MROH7: variants seen among roughly 807,000 people sequenced by gnomAD.
The protein encoded by MROH7 is maestro heat-like repeat-containing protein family member 7.
In MROH7, 113 loss-of-function variants were observed where a neutral mutation model predicts 129.2. That is an observed-to-expected ratio of 0.87 (90% CI 0.75 to 1.02). MROH7 has a LOEUF of 1.02. Ranked by LOEUF, MROH7 falls within the 50% of genes least tolerant of loss-of-function variation. The pLI, the probability that MROH7 is intolerant of heterozygous loss-of-function variation, is 0.00. For missense variants in MROH7, 1,601 were observed against 1,671.3 expected, an observed-to-expected ratio of 0.96 and a Z score of 0.73; for synonymous variants, 655 against 667.9, an observed-to-expected ratio of 0.98 and a Z score of 0.30.
intron 3 of MROH7, among the ~76,000 whole-genome samples, chr1:54,656,679 T>C (rs1356476996): frequency 2.0e-5 from 3 of 151,836 alleles, no homozygotes; most frequent in Non-Finnish European, 4.4e-5. Context: ...AAAAATTAGC[T>C]GATGTGGTGG....
At chr1:54,694,992 G>A (rs567806767) in intron 16 of MROH7, among the ~76,000 whole-genome samples, 6 of 152,286 alleles carry the variant, frequency 3.9e-5, no homozygotes, top group South Asian at 4.1e-4. Context: ...AACCTGCTTC[G>A]AAGGATCAGA....
intron 1 of MROH7, among the ~76,000 whole-genome samples, chr1:54,648,706 GA>G (rs1250939904): frequency 3.3e-5 from 5 of 151,740 alleles, no homozygotes; most frequent in Non-Finnish European, 7.4e-5. Flanking sequence ...GCTTACTTTG[GA>G]AAATGGTTTG....
intron 9 of MROH7, 72 bp from the exon 10 acceptor site, chr1:54,673,944 C>G (rs1009770677): frequency 6.4e-7 from 1 of 1,570,094 alleles, no homozygotes; most frequent in Non-Finnish European, 8.7e-7. Flanking sequence ...GACTATCCAC[C>G]GGTGTTCACC....
chr1:54,645,735 C>G (rs1283893677), intron 1 of MROH7, among the ~76,000 whole-genome samples: 1 of 149,060 alleles, frequency 6.7e-6, no homozygotes, highest in Non-Finnish European at 1.5e-5. Flanking sequence ...TCACCGCAGG[C>G]TTGCCTCCCG....
rs111884060 is a variant in MROH7 at position 54,677,093 on chromosome 1, G to A, written c.1937-1649G>A. On this transcript the variant is annotated intron_variant, in intron 10 of 23. Coordinates refer to ENST00000421030, the MANE Select transcript of MROH7 (RefSeq NM_001039464.4). ...TGGGCGCAAGTGAACCATCTGCCTC[G>A]GCCTCCAAAGTGCTGGGATTACAGG... is the stretch of plus-strand genomic sequence containing the variant. 6.1e-4 allele frequency among the ~76,000 whole-genome samples: 93 copies of A among 152,076 alleles called. 1 individual carries two copies. Among genetic ancestry groups the A allele is most frequent in the African/African-American group, 1.9e-3 (81 of 41,546 alleles).
chr1:54,674,063 C>T lies in MROH7; in HGVS notation c.1848C>T (p.Ile616=). The T allele has an allele frequency of 1.2e-6, 2 of 1,614,080 alleles. No homozygotes were observed. Among genetic ancestry groups the T allele is most frequent in the Non-Finnish European group, 1.7e-6 (2 of 1,179,954 alleles). Residue 616 remains isoleucine, a synonymous_variant, in exon 10 of 24, where the codon ATC becomes ATT. Transcript: ENST00000421030. The part of the protein sequence containing the change: ...PALGLLLGRL[I]LHIGDPDEEI... ...TGGGGCTTCTGCTGGGGAGACTCAT[C>T]CTTCACATTGGGGATCCTGATGAGG...
intron 18 of MROH7, 103 bp from the exon 19 acceptor site, chr1:54,701,039 TG>T: frequency 7.9e-7 from 1 of 1,265,628 alleles, no homozygotes; most frequent in Non-Finnish European, 1.1e-6. Context: ...GGCCTGGAAG[TG>T]GGGATTGGGC....
rs763043787 is a variant in MROH7, at chr1:54,652,913, C to A, written c.-14C>A. On this transcript the variant is annotated 5_prime_UTR_variant, in exon 3 of 24. Transcript: ENST00000421030. ...AGAAGCGGGCACTGGCATTGAGAGA[C>A]CTCCAGACTGGACATGGCCCTGAGT... 10 of 1,556,174 alleles carry A rather than the reference C, an allele frequency of 6.4e-6. No individual in the cohort carries two copies. The highest frequency in any genetic ancestry group is 8.7e-6 in the Non-Finnish European group (10 of 1,154,252).
chr1:54,677,680 C>T (rs193086330), intron 10 of MROH7, among the ~76,000 whole-genome samples: 26 of 152,292 alleles, frequency 1.7e-4, no homozygotes, highest in East Asian at 3.9e-4. Flanking sequence ...CTTGTGCCCA[C>T]GTCCTGTATT....
chr1:54,662,220 C>CAAACA (rs761420844), intron 3 of MROH7, among the ~76,000 whole-genome samples: 3 of 150,058 alleles, frequency 2.0e-5, no homozygotes, highest in Admixed American at 6.6e-5. Flanking sequence ...ACCCTATCTG[C>CAAACA]AAACAAAACA....
chr1:54,670,567 C>A lies in MROH7; in HGVS notation c.1460C>A (p.Thr487Asn). The A allele has an allele frequency of 1.2e-6, 2 of 1,613,014 alleles. No individual in the cohort carries two copies. Among genetic ancestry groups the A allele is most frequent in the Non-Finnish European group, 1.7e-6 (2 of 1,179,522 alleles). ...CGCAAGCAGGCCATGGAGATCCTGA[C>A]CCAGCTGAGGTGTCCATGGCCCTCT... ...SVRKQAMEIL[T>N]QLSHTQPTLG... The change falls in exon 6 of 24, where the codon ACC becomes AAC. Residue 487 changes from threonine to asparagine, a missense_variant. Transcript: ENST00000421030.
chr1:54,687,277 G>A lies in MROH7; in HGVS notation c.2711+829G>A, dbSNP rs547689892. Among the ~76,000 whole-genome samples, 118 of 152,218 alleles carry A rather than the reference G, an allele frequency of 7.8e-4. No homozygotes were observed. The Middle Eastern group carries it at 0.01, about 13-fold the overall frequency. ...TTTAGTAGAGATGGGGTTTCACCACGTTGGCCAGGCTGGTCTTGAACTCCT... is the reference window on the plus strand; with the variant it reads ...TTTAGTAGAGATGGGGTTTCACCACATTGGCCAGGCTGGTCTTGAACTCCT... On this transcript the variant is annotated intron_variant, in intron 15 of 23. Coordinates refer to ENST00000421030, the MANE Select transcript of MROH7 (RefSeq NM_001039464.4).
rs774357268 is a variant in MROH7, at chr1:54,653,029, C to G, written c.103C>G (p.Pro35Ala). ...CCCGGGATTAGGGTCTGGTACCATC[C>G]CTCAGCCCCACCCAGACATGGCTCA... is the stretch of plus-strand genomic sequence containing the variant. ...GAPGLGSGTI[P>A]QPHPDMAQVP... Residue 35 changes from proline (P) to alanine (A), a missense_variant, in exon 3 of 24, where the codon CCT (proline) becomes GCT (alanine). Coordinates refer to ENST00000421030, the MANE Select transcript of MROH7 (RefSeq NM_001039464.4). 1 of 1,614,082 alleles carries G rather than the reference C, an allele frequency of 6.2e-7. No individual in the cohort carries two copies. Among genetic ancestry groups the G allele is most frequent in the Non-Finnish European group, 8.5e-7 (1 of 1,180,044 alleles).
intron 17 of MROH7, among the ~76,000 whole-genome samples, chr1:54,696,332 T>G (rs1645321459): frequency 6.6e-6 from 1 of 152,162 alleles, no homozygotes; most frequent in African/African-American, 2.4e-5. Flanking sequence ...ATACGTAACA[T>G]AAAATTTGCC....
At chr1:54,669,783 T>G (rs1644866215) in intron 5 of MROH7, among the ~76,000 whole-genome samples, 1 of 151,990 alleles carries the variant, frequency 6.6e-6, no homozygotes, top group Non-Finnish European at 1.5e-5. Flanking sequence ...GTGGATCCCT[T>G]GAGGTCAGGA....
At chr1:54,691,919 A>G (rs1386448120) in intron 15 of MROH7, among the ~76,000 whole-genome samples, 1 of 118,998 alleles carries the variant, frequency 8.4e-6, no homozygotes, top group East Asian at 2.8e-4. Flanking sequence ...GTGCGGTGCC[A>G]GGCATACAGT....
intron 3 of MROH7, among the ~76,000 whole-genome samples, chr1:54,654,680 G>A (rs11590497): frequency 2.0e-5 from 3 of 150,798 alleles, no homozygotes; most frequent in Non-Finnish European, 1.5e-5. Context: ...TCTCAAAAAA[G>A]AAAAAAAAAT....
chr1:54,663,672 C>T (rs569918822), intron 3 of MROH7: 1 of 386,946 alleles, frequency 2.6e-6, no homozygotes, highest in Admixed American at 3.4e-5. Context: ...CCGTGCCCGG[C>T]CCCCATCAGC....
intron 16 of MROH7, among the ~76,000 whole-genome samples, chr1:54,695,040 C>T (rs954657698): frequency 2.6e-5 from 4 of 152,330 alleles, no homozygotes; most frequent in Non-Finnish European, 4.4e-5. Flanking sequence ...TGCTGCCTGG[C>T]GCTTGGTGAG....
Sources: gnomAD v4.1 joint callset for allele counts (sites outside exome capture counted in the v4.1 genomes callset) on GRCh38, gnomAD v4.1.1 for gene constraint, MANE v1.5 for transcripts, NCBI Gene and HGNC (gene_info 2026-07-23, HGNC 2026-07-21) for gene names.